Variants in MALRD1 observed in about 807,000 individuals in gnomAD.
MALRD1 encodes the protein MAM and LDL receptor class A domain containing 1.
A neutral mutation model predicts 242.1 loss-of-function variants in MALRD1; 247 were observed. The observed-to-expected ratio is 1.02, with a 90% CI of 0.92 to 1.13. The LOEUF is 1.13. MALRD1 is among the 50% of genes most tolerant of loss of function. MALRD1 has a pLI of 0.00. For missense variants in MALRD1, 2,989 were observed against 2,533.1 expected (o/e 1.18, Z -3.86); for synonymous variants, 995 against 866.6 (o/e 1.15, Z -2.60).
intron 28 of MALRD1, among the ~76,000 whole-genome samples, chr10:19,397,629 C>A (rs1228012835): frequency 6.6e-6 from 1 of 151,962 alleles, no homozygotes; most frequent in Non-Finnish European, 1.5e-5. Flanking sequence ...TATACGGTAG[C>A]TCTGTTTAAA....
intron 38 of MALRD1, chr10:19,710,444 A>T (rs1023988047): frequency 6.6e-6 from 1 of 152,182 alleles, no homozygotes; most frequent in Non-Finnish European, 1.5e-5. Flanking sequence ...CAATTCCTTG[A>T]TCATTTAAGA....
chr10:19,119,284 G>A lies in MALRD1; in HGVS notation c.695-4208G>A, dbSNP rs189433031. On this transcript the variant is annotated intron_variant, in intron 5 of 39. Transcript: ENST00000454679. ...TCAGAGGTTTATTGAGGTAGTAACCGCCCAAGGGGTTCACCTTGCCAGCTG... is the reference window on the plus strand; with the variant it reads ...TCAGAGGTTTATTGAGGTAGTAACCACCCAAGGGGTTCACCTTGCCAGCTG... 2.8e-4 allele frequency among the ~76,000 whole-genome samples: 43 copies of A among 152,254 alleles called. 1 individual carries two copies. Among genetic ancestry groups the A allele is most frequent in the Middle Eastern group, 3.4e-3 (1 of 294 alleles).
intron 33 of MALRD1, among the ~76,000 whole-genome samples, chr10:19,592,705 T>G (rs1837864152): frequency 6.6e-6 from 1 of 150,674 alleles, no homozygotes; most frequent in Non-Finnish European, 1.5e-5. Context: ...TTTTTGCATA[T>G]CCACTATAAG....
chr10:19,507,332 G>A (rs991278545), intron 31 of MALRD1, among the ~76,000 whole-genome samples: 6 of 151,950 alleles, frequency 3.9e-5, no homozygotes, highest in African/African-American at 1.2e-4. Context: ...TATTATTTCC[G>A]CTTTGGTATA....
At position 19,500,517 on chromosome 10, in the gene MALRD1, C is replaced by T. The variant is rs562867901; in HGVS notation, c.5320+1871C>T. ...AATCTAGATAAAGACTTAAATGTAA[C>T]AAATAAAAATAAGAAAATCTTTGCA... is the stretch of plus-strand genomic sequence containing the variant. On this transcript the variant is annotated intron_variant, in intron 31 of 39. Transcript: ENST00000454679. 2.8e-4 allele frequency among the ~76,000 whole-genome samples: 42 copies of T among 152,172 alleles called. 1 individual carries two copies. The South Asian group carries it at 8.5e-3, about 31-fold the overall frequency.
chr10:19,406,990 T>A (rs1833055227), intron 28 of MALRD1, among the ~76,000 whole-genome samples: 1 of 152,170 alleles, frequency 6.6e-6, no homozygotes, highest in African/African-American at 2.4e-5. Flanking sequence ...ACCAAACACA[T>A]GTGCTGCTTC....
rs117470718 is a variant in MALRD1 at position 19,529,119 on chromosome 10, C to T, written c.5321-2075C>T. On this transcript the variant is annotated intron_variant, in intron 31 of 39. Transcript: ENST00000454679. ...CACAGCAAAGATGAAAGAAAAATCC[C>T]CTCAGTTTTCAGCAGGGGAAAGGGG... Among the ~76,000 whole-genome samples, 17 of 152,244 alleles carry T rather than the reference C, an allele frequency of 1.1e-4. No individual in the cohort carries two copies. In the East Asian group the frequency reaches 3.3e-3, roughly 29 times the overall value.
intron 6 of MALRD1, 149 bp from the exon 7 acceptor site, chr10:19,124,375 C>T: frequency 1.4e-6 from 1 of 691,276 alleles, no homozygotes. Flanking sequence ...CACTCGAAGG[C>T]TTATTGAATC....
chr10:19,431,399 C>T (rs1834121773), intron 28 of MALRD1, among the ~76,000 whole-genome samples: 1 of 151,992 alleles, frequency 6.6e-6, no homozygotes, highest in Non-Finnish European at 1.5e-5. Flanking sequence ...TAAGGAAATA[C>T]AAAATAGCTT....
intron 1 of MALRD1, among the ~76,000 whole-genome samples, chr10:19,050,977 G>T (rs905977678): frequency 1.3e-5 from 2 of 152,204 alleles, no homozygotes; most frequent in African/African-American, 4.8e-5. Flanking sequence ...GGAAGTGAAG[G>T]CATAGATCTG....
intron 36 of MALRD1, among the ~76,000 whole-genome samples, chr10:19,617,777 A>C (rs1839227896): frequency 6.6e-6 from 1 of 152,010 alleles, no homozygotes; most frequent in African/African-American, 2.4e-5. Context: ...TTTTAGGTTC[A>C]GGGTTTATTT....
intron 31 of MALRD1, among the ~76,000 whole-genome samples, chr10:19,509,170 C>T (rs910436892): frequency 3.3e-5 from 5 of 152,050 alleles, no homozygotes; most frequent in African/African-American, 1.2e-4. Flanking sequence ...TTACGTTTAG[C>T]AGAGTTTATT....
intron 2 of MALRD1, among the ~76,000 whole-genome samples, chr10:19,078,175 A>T (rs2131272462): frequency 6.6e-6 from 1 of 151,618 alleles, no homozygotes; most frequent in East Asian, 1.9e-4. Flanking sequence ...TTATACTTTA[A>T]GTTCTAGGGT....
chr10:19,657,582 G>A (rs1841218348), intron 36 of MALRD1, among the ~76,000 whole-genome samples: 1 of 151,680 alleles, frequency 6.6e-6, no homozygotes, highest in Admixed American at 6.6e-5. Context: ...TTAAATATTA[G>A]GCATATATAT....
At chr10:19,484,172 A>T (rs922010636) in intron 29 of MALRD1, among the ~76,000 whole-genome samples, 1 of 152,212 alleles carries the variant, frequency 6.6e-6, no homozygotes, top group Non-Finnish European at 1.5e-5. Flanking sequence ...CTTTTGTGAC[A>T]AGCTCACTAC....
chr10:19,243,893 A>G (rs1007182963), intron 18 of MALRD1, among the ~76,000 whole-genome samples: 8 of 152,072 alleles, frequency 5.3e-5, no homozygotes, highest in African/African-American at 1.2e-4. Context: ...ATGTTGAGAC[A>G]TAGGCCATTA....
intron 21 of MALRD1, among the ~76,000 whole-genome samples, chr10:19,283,835 T>C (rs1840951763): frequency 6.6e-6 from 1 of 152,204 alleles, no homozygotes; most frequent in African/African-American, 2.4e-5. Flanking sequence ...TAAAGTTGCT[T>C]CAAAGAAGAA....
At chr10:19,687,939 TTATGTTATGTTA>T (rs1407737619) in intron 36 of MALRD1, among the ~76,000 whole-genome samples, 2 of 150,398 alleles carry the variant, frequency 1.3e-5, no homozygotes. Context: ...TTATGTTATG[TTATGTTATGTTA>T]TGTTATGTTA....
intron 14 of MALRD1, among the ~76,000 whole-genome samples, chr10:19,201,714 A>T (rs1836548651): frequency 6.6e-6 from 1 of 152,198 alleles, no homozygotes. Flanking sequence ...GTGAAGACAA[A>T]TATCCTTTGC....
Sources: gnomAD v4.1 joint callset for allele counts (sites outside exome capture counted in the v4.1 genomes callset) on GRCh38, gnomAD v4.1.1 for gene constraint, MANE v1.5 for transcripts, NCBI Gene and HGNC (gene_info 2026-07-23, HGNC 2026-07-21) for gene names.